Variants in ULK4 observed in about 807,000 individuals in gnomAD.
ULK4 encodes unc-51 like kinase 4, also known as inactive serine/threonine-protein kinase ULK4.
A neutral mutation model predicts 160.6 loss-of-function variants in ULK4; 133 were observed. The observed-to-expected ratio is 0.83, with a 90% CI of 0.72 to 0.96. ULK4 has a LOEUF of 0.96. ULK4 is among the 40% of genes least tolerant of loss of function. ULK4 has a pLI of 0.00. For synonymous variants in ULK4, 534 were observed against 539.8 expected (o/e 0.99, Z 0.15); for missense variants, 1,580 against 1,499.5 (o/e 1.05, Z -0.89).
chr3:41,862,001 G>A (rs58036853), intron 17 of ULK4, among the ~76,000 whole-genome samples: 6,489 of 151,798 alleles, frequency 0.043, 427 homozygotes, highest in African/African-American at 0.15. Context: ...TTGTAGAGAC[G>A]GGGTTTCACC....
intron 35 of ULK4, among the ~76,000 whole-genome samples, chr3:41,290,807 T>C (rs142945840): frequency 6.6e-6 from 1 of 152,352 alleles, no homozygotes; most frequent in East Asian, 1.9e-4. Context: ...CACCCTTCTA[T>C]GTTCCTGCCT....
At position 41,473,661 on chromosome 3, in the gene ULK4, C is replaced by CAAAAA. The variant is rs1294599838; in HGVS notation, c.3227-10409_3227-10408insTTTTT. 3.6e-4 allele frequency among the ~76,000 whole-genome samples: 9 copies of CAAAAA among 25,276 alleles called. 1 individual carries two copies. Among genetic ancestry groups the CAAAAA allele is most frequent in the African/African-American group, 1.5e-3 (8 of 5,500 alleles). The allele number at this position is 25,276 out of a possible 152,430, so 16.6% of individuals were successfully genotyped here. ...TGGGCAACAGAATGAGATTCTGTCT[C>CAAAAA]AAAGAAAAAAAAAAAAAAAAAAAGA... On this transcript the variant is annotated intron_variant, in intron 32 of 36. Transcript: ENST00000301831.
chr3:41,817,089 T>C (rs987944798), intron 19 of ULK4, among the ~76,000 whole-genome samples: 2 of 152,012 alleles, frequency 1.3e-5, no homozygotes, highest in Non-Finnish European at 2.9e-5. Flanking sequence ...TGTGTGTGTG[T>C]GTACTCACGC....
intron 6 of ULK4, 139 bp from the exon 7 acceptor site, chr3:41,918,679 G>A (rs1057013290): frequency 4.5e-5 from 20 of 440,958 alleles, no homozygotes; most frequent in South Asian, 1.8e-4. Context: ...TCGGCTCACT[G>A]CACACTCCGC....
intron 30 of ULK4, among the ~76,000 whole-genome samples, chr3:41,618,756 T>C (rs1002166410): frequency 3.9e-5 from 6 of 152,032 alleles, no homozygotes; most frequent in Non-Finnish European, 8.8e-5. Flanking sequence ...GATGACAGGA[T>C]CAAATTCACA....
Position 41,935,885 on chromosome 3 carries a change from C to T in ULK4, c.294G>A (p.Val98=). The change falls in exon 4 of 37, where the codon GTG becomes GTA. Residue 98 remains valine (V), a synonymous_variant. Coordinates refer to ENST00000301831, the MANE Select transcript of ULK4 (RefSeq NM_017886.4). ...TAATCAGGTCAATTCCAAATTCTCTCACAACATCTTCTGGGAGGTTTTCAT... is the reference window on the plus strand; with the variant it reads ...TAATCAGGTCAATTCCAAATTCTCTTACAACATCTTCTGGGAGGTTTTCAT... ...AQDENLPEDV[V]REFGIDLISG... is the part of the protein sequence containing the mutation. 1 of 1,613,980 alleles carries T rather than the reference C, an allele frequency of 6.2e-7. No individual in the cohort carries two copies. Among genetic ancestry groups the T allele is most frequent in the Non-Finnish European group, 8.5e-7 (1 of 1,179,976 alleles).
At chr3:41,495,092 T>C (rs909028877) in intron 32 of ULK4, among the ~76,000 whole-genome samples, 1 of 152,168 alleles carries the variant, frequency 6.6e-6, no homozygotes, top group Non-Finnish European at 1.5e-5. Flanking sequence ...TTCAAGTTCA[T>C]ATGGAACCAA....
intron 18 of ULK4, among the ~76,000 whole-genome samples, chr3:41,823,642 T>C (rs1468679141): frequency 1.3e-5 from 2 of 152,170 alleles, no homozygotes; most frequent in Non-Finnish European, 2.9e-5. Context: ...ATACTATATA[T>C]AATCACTTCA....
At chr3:41,481,977 T>A (rs2084343355) in intron 32 of ULK4, among the ~76,000 whole-genome samples, 2 of 152,204 alleles carry the variant, frequency 1.3e-5, no homozygotes, top group Admixed American at 1.3e-4. Flanking sequence ...GTTGTTGTTG[T>A]GCTATATATA....
At chr3:41,781,815 T>C (rs1452004220) in intron 21 of ULK4, among the ~76,000 whole-genome samples, 1 of 152,078 alleles carries the variant, frequency 6.6e-6, no homozygotes, top group African/African-American at 2.4e-5. Context: ...GCCAGGCACC[T>C]GTAATCCCAG....
intron 30 of ULK4, among the ~76,000 whole-genome samples, chr3:41,636,574 A>G (rs920945550): frequency 5.3e-5 from 8 of 151,674 alleles, no homozygotes; most frequent in Non-Finnish European, 1.0e-4. Context: ...GAGAGGAGAA[A>G]ATAGCTGTCT....
chr3:41,511,107 G>A (rs555712171), intron 32 of ULK4, among the ~76,000 whole-genome samples: 87 of 148,118 alleles, frequency 5.9e-4, no homozygotes, highest in African/African-American at 2.0e-3. Flanking sequence ...AGCTTGCAGT[G>A]AGCTGAGATC....
chr3:41,953,547 G>A (rs1576012927), intron 2 of ULK4, among the ~76,000 whole-genome samples: 1 of 151,626 alleles, frequency 6.6e-6, no homozygotes, highest in East Asian at 1.9e-4. Context: ...GGGATTACAG[G>A]TGTGAGCCAC....
At chr3:41,909,138 G>A (rs1490857876) in intron 11 of ULK4, among the ~76,000 whole-genome samples, 12 of 150,116 alleles carry the variant, frequency 8.0e-5, no homozygotes, top group Non-Finnish European at 1.6e-4. Flanking sequence ...GTGCATGCCT[G>A]TAGTCCCAGC....
intron 34 of ULK4, among the ~76,000 whole-genome samples, chr3:41,410,298 GGATACACAAATGC>G (rs2082385388): frequency 6.6e-6 from 1 of 152,114 alleles, no homozygotes; most frequent in African/African-American, 2.4e-5. Flanking sequence ...ACTGATGAAT[GGATACACAAATGC>G]GATACACTCA....
intron 34 of ULK4, among the ~76,000 whole-genome samples, chr3:41,445,561 A>G (rs1316808954): frequency 6.6e-6 from 1 of 152,092 alleles, no homozygotes; most frequent in Non-Finnish European, 1.5e-5. Context: ...GCCCTCAGAA[A>G]TAATGCCGCA....
At chr3:41,652,378 A>G (rs1310473639) in intron 30 of ULK4, among the ~76,000 whole-genome samples, 1 of 152,230 alleles carries the variant, frequency 6.6e-6, no homozygotes, top group Admixed American at 6.5e-5. Context: ...CAGAAAAACA[A>G]TACTGGAGTG....
chr3:41,721,845 G>A (rs1200186473), intron 22 of ULK4, among the ~76,000 whole-genome samples: 1 of 152,138 alleles, frequency 6.6e-6, no homozygotes, highest in Non-Finnish European at 1.5e-5. Flanking sequence ...GTGTCAGGCT[G>A]ACTTTACAAA....
At chr3:41,772,120 G>A (rs1575680305) in intron 21 of ULK4, among the ~76,000 whole-genome samples, 1 of 152,108 alleles carries the variant, frequency 6.6e-6, no homozygotes, top group East Asian at 1.9e-4. Flanking sequence ...GAGAAAACAG[G>A]AAAGATCTAA....
Sources: allele counts gnomAD v4.1 joint callset (sites outside exome capture counted in the v4.1 genomes callset), GRCh38; gene constraint gnomAD v4.1.1; transcripts MANE v1.5; gene names NCBI Gene and HGNC (gene_info 2026-07-23, HGNC 2026-07-21).